MAP2: variants seen among roughly 807,000 people sequenced by gnomAD.
The protein encoded by MAP2 is microtubule-associated protein 2.
In MAP2, 14 loss-of-function variants were observed where a neutral mutation model predicts 137.6. That is an observed-to-expected ratio of 0.10 (90% CI 0.07 to 0.16). The LOEUF (loss-of-function observed/expected upper bound fraction) is 0.16, where lower values mean the gene tolerates loss of function less well. MAP2 is among the 10% of genes least tolerant of loss of function. The pLI is 1.00. For missense variants in MAP2, 2,088 were observed against 2,191.5 expected (o/e 0.95, Z 0.94); for synonymous variants, 786 against 782.3 (o/e 1.00, Z -0.08).
chr2:209,729,791 G>C, intron 14 of MAP2, 59 bp from the exon 15 acceptor site: 1 of 1,141,690 alleles, frequency 8.8e-7, no homozygotes, highest in Non-Finnish European at 1.3e-6. Context: ...AGTCATTTTT[G>C]GGAAATAGTT....
chr2:209,598,134 T>A (rs558782200), intron 3 of MAP2, among the ~76,000 whole-genome samples: 1 of 152,258 alleles, frequency 6.6e-6, no homozygotes, highest in Admixed American at 6.5e-5. Flanking sequence ...GCCTCCCACG[T>A]AGCTGGGACT....
At chr2:209,655,789 G>A (rs1413851195) in intron 5 of MAP2, among the ~76,000 whole-genome samples, 1 of 152,142 alleles carries the variant, frequency 6.6e-6, no homozygotes, top group South Asian at 2.1e-4. Flanking sequence ...TCCCTATAAA[G>A]GATATTTCTC....
chr2:209,482,433 A>G (rs2057838773), intron 1 of MAP2, among the ~76,000 whole-genome samples: 1 of 152,230 alleles, frequency 6.6e-6, no homozygotes, highest in Non-Finnish European at 1.5e-5. Context: ...CAGTTAATTC[A>G]GTTAATTTTA....
At chr2:209,479,343 CTT>C (rs915613563) in intron 1 of MAP2, among the ~76,000 whole-genome samples, 3 of 152,052 alleles carry the variant, frequency 2.0e-5, no homozygotes, top group African/African-American at 4.8e-5. Context: ...CTCTGCATCA[CTT>C]ATATAAAATT....
intron 10 of MAP2, among the ~76,000 whole-genome samples, chr2:209,699,267 GTTA>G (rs1281390358): frequency 6.6e-6 from 1 of 152,166 alleles, no homozygotes; most frequent in East Asian, 1.9e-4. Context: ...ATTGTAGACA[GTTA>G]TTATGTTTGT....
At chr2:209,513,718 G>A (rs545669233) in intron 2 of MAP2, among the ~76,000 whole-genome samples, 3 of 151,914 alleles carry the variant, frequency 2.0e-5, no homozygotes, top group East Asian at 1.9e-4. Flanking sequence ...ATCTTTCATG[G>A]CATCAACAAG....
rs575690208 is a variant in MAP2 at position 209,534,269 on chromosome 2, G to A, written c.-172+26628G>A. Reference sequence around the variant, plus strand: ...CCTTACAACAAGTTGGTTACTGTTGGGATATCCATTTTACAGATAAAGAGT... The same window carrying A: ...CCTTACAACAAGTTGGTTACTGTTGAGATATCCATTTTACAGATAAAGAGT... On this transcript the variant is annotated intron_variant, in intron 2 of 15. Coordinates refer to ENST00000682079, the MANE Select transcript of MAP2 (RefSeq NM_001375505.1). Among the ~76,000 whole-genome samples the A allele has an allele frequency of 2.6e-5, 4 of 152,138 alleles. No individual in the cohort carries two copies. In the South Asian group the frequency reaches 6.2e-4, roughly 24 times the overall value.
At chr2:209,683,073 A>G (rs1040440486) in intron 7 of MAP2, among the ~76,000 whole-genome samples, 9 of 152,196 alleles carry the variant, frequency 5.9e-5, no homozygotes, top group African/African-American at 2.2e-4. Flanking sequence ...GGGAAGAAGC[A>G]GAGTCCTCCC....
At chr2:209,506,367 GT>G (rs2061057327) in intron 1 of MAP2, among the ~76,000 whole-genome samples, 1 of 152,120 alleles carries the variant, frequency 6.6e-6, no homozygotes, top group Non-Finnish European at 1.5e-5. Context: ...TAAATAACTA[GT>G]TTTAGGCTAA....
intron 1 of MAP2, among the ~76,000 whole-genome samples, chr2:209,465,756 TA>T (rs1167757248): frequency 2.6e-5 from 4 of 152,182 alleles, no homozygotes; most frequent in Non-Finnish European, 4.4e-5. Flanking sequence ...CAAACACCCT[TA>T]GGTCTAAAAC....
chr2:209,517,380 AAC>A (rs1321895657), intron 2 of MAP2, among the ~76,000 whole-genome samples: 2 of 152,162 alleles, frequency 1.3e-5, no homozygotes, highest in African/African-American at 4.8e-5. Context: ...TTCATTAATT[AAC>A]AAGAAAACTT....
chr2:209,646,346 G>A (rs1160123618), intron 4 of MAP2, among the ~76,000 whole-genome samples: 1 of 152,212 alleles, frequency 6.6e-6, no homozygotes, highest in Admixed American at 6.5e-5. Context: ...TAGTGTTACA[G>A]ATTTGCAGGC....
intron 7 of MAP2, among the ~76,000 whole-genome samples, chr2:209,685,187 T>C (rs1206137998): frequency 6.6e-6 from 1 of 152,206 alleles, no homozygotes. Context: ...TAAAGCTGTT[T>C]CTTATCAAGG....
intron 1 of MAP2, among the ~76,000 whole-genome samples, chr2:209,448,087 C>A (rs1050568237): frequency 6.6e-6 from 1 of 152,070 alleles, no homozygotes; most frequent in East Asian, 1.9e-4. Context: ...TATCATCCTT[C>A]ACCATGTAAT....
At chr2:209,719,421 A>C (rs916280608) in intron 13 of MAP2, among the ~76,000 whole-genome samples, 1 of 152,230 alleles carries the variant, frequency 6.6e-6, no homozygotes, top group East Asian at 1.9e-4. Flanking sequence ...ATTCAAGTTG[A>C]CATTGGGATG....
chr2:209,696,552 G>A lies in MAP2; in HGVS notation c.4191G>A (p.Arg1397=), dbSNP rs1181377505. 1 of 1,610,572 alleles carries A rather than the reference G, an allele frequency of 6.2e-7. No homozygotes were observed. Among genetic ancestry groups the A allele is most frequent in the South Asian group, 1.1e-5 (1 of 90,086 alleles). Residue 1397 remains arginine (R), a synonymous_variant, in exon 9 of 16, where the codon AGG becomes AGA. Coordinates refer to ENST00000682079, the MANE Select transcript of MAP2 (RefSeq NM_001375505.1). ...TGCTTTGATCCACAGATGATGATAG[G>A]AGCATCATGACAGAACAGTTAGAAA... ...SLWVDTQDDD[R]SIMTEQLETI...
At chr2:209,593,110 T>C (rs1472087814) in intron 3 of MAP2, among the ~76,000 whole-genome samples, 1 of 152,032 alleles carries the variant, frequency 6.6e-6, no homozygotes, top group Non-Finnish European at 1.5e-5. Context: ...CAAGAATTCT[T>C]TCTTATTTTC....
chr2:209,547,401 C>T (rs773900011), intron 2 of MAP2, among the ~76,000 whole-genome samples: 8 of 152,206 alleles, frequency 5.3e-5, no homozygotes, highest in Non-Finnish European at 1.2e-4. Flanking sequence ...TTAAGTTCCT[C>T]ACAAGTTGCA....
intron 13 of MAP2, among the ~76,000 whole-genome samples, chr2:209,715,512 A>T (rs1189041260): frequency 1.3e-5 from 2 of 152,138 alleles, no homozygotes; most frequent in Non-Finnish European, 2.9e-5. Flanking sequence ...AGGTGAGCAA[A>T]AAAAAAAGTG....
Sources: allele counts gnomAD v4.1 joint callset (sites outside exome capture counted in the v4.1 genomes callset), GRCh38; gene constraint gnomAD v4.1.1; transcripts MANE v1.5; gene names NCBI Gene and HGNC (gene_info 2026-07-23, HGNC 2026-07-21).